The following PDE4B variants were observed in gnomAD, a reference collection of about 807,000 sequenced individuals.
PDE4B encodes the protein 3',5'-cyclic-AMP phosphodiesterase 4B.
In PDE4B, 20 loss-of-function variants were observed where a neutral mutation model predicts 82.2. That is an observed-to-expected ratio of 0.24 (90% CI 0.17 to 0.35). The LOEUF (loss-of-function observed/expected upper bound fraction) is 0.35, where lower values mean the gene tolerates loss of function less well. Ranked by LOEUF, PDE4B falls within the 10% of genes least tolerant of loss-of-function variation. The probability of loss-of-function intolerance (pLI) is 1.00; values close to 1 mark genes in which losing one functional copy is unlikely to be tolerated. For missense variants in PDE4B, 655 were observed against 907.2 expected, an observed-to-expected ratio of 0.72 and a Z score of 3.57; for synonymous variants, 320 against 318.9, an observed-to-expected ratio of 1.00 and a Z score of -0.04.
At chr1:66,072,530 C>A (rs1289624044) in intron 3 of PDE4B, among the ~76,000 whole-genome samples, 1 of 152,100 alleles carries the variant, frequency 6.6e-6, no homozygotes. Context: ...AGGTGGCCCT[C>A]CAGACTACTA....
At chr1:65,869,050 A>G (rs888190696) in intron 1 of PDE4B, among the ~76,000 whole-genome samples, 6 of 152,210 alleles carry the variant, frequency 3.9e-5, no homozygotes, top group Non-Finnish European at 5.9e-5. Flanking sequence ...TCACTAATAC[A>G]GGATCAGTCC....
At chr1:66,281,707 G>T (rs1390641569) in intron 7 of PDE4B, among the ~76,000 whole-genome samples, 2 of 152,244 alleles carry the variant, frequency 1.3e-5, no homozygotes. Context: ...AGGCATGGGG[G>T]AGGAGGTGTT....
intron 1 of PDE4B, among the ~76,000 whole-genome samples, chr1:65,832,252 G>A (rs1646091208): frequency 6.6e-6 from 1 of 152,170 alleles, no homozygotes; most frequent in Non-Finnish European, 1.5e-5. Flanking sequence ...TTCCATTGCA[G>A]GATGAAACTT....
chr1:66,372,605 C>T lies in PDE4B; in HGVS notation c.2138C>T (p.Pro713Leu), dbSNP rs1477877571. 6.2e-7 allele frequency: 1 copy of T among 1,613,978 alleles called. No individual in the cohort carries two copies. Among genetic ancestry groups the T allele is most frequent in the East Asian group, 2.2e-5 (1 of 44,892 alleles). The stretch of plus-strand genomic sequence containing the variant: ...ACAAAGACGCTTTGTGTGATTGATC[C>T]AGAAAACAGAGATTCCCTGGGAGAG... ...SSTKTLCVID[P>L]ENRDSLGETD... Residue 713 changes from proline to leucine, a missense_variant, in exon 17 of 17, where the codon CCA becomes CTA. Pro to Leu is a moderately conservative substitution (Grantham distance 98). Coordinates refer to ENST00000341517, the MANE Select transcript of PDE4B (RefSeq NM_002600.4).
At chr1:66,254,967 A>G (rs942768918) in intron 4 of PDE4B, among the ~76,000 whole-genome samples, 4 of 151,516 alleles carry the variant, frequency 2.6e-5, no homozygotes, top group Non-Finnish European at 4.4e-5. Context: ...CTCACTTTCC[A>G]TCTCACTAAA....
At chr1:66,140,485 C>T (rs770425470) in intron 3 of PDE4B, among the ~76,000 whole-genome samples, 21 of 152,090 alleles carry the variant, frequency 1.4e-4, no homozygotes, top group Non-Finnish European at 1.6e-4. Flanking sequence ...GTAAGAAAAA[C>T]TTGCAGAATG....
In PDE4B at chr1:66,045,559, A is replaced by C. The variant is rs553302331; in HGVS notation, c.281+126724A>C. On this transcript the variant is annotated intron_variant, in intron 3 of 16. Transcript: ENST00000341517. The stretch of plus-strand genomic sequence containing the variant: ...AATTTTATTCAAGAATGTAGCAGGA[A>C]ATTCATGAAGCATTGATGAAGTGTC... 3.3e-5 allele frequency among the ~76,000 whole-genome samples: 5 copies of C among 151,890 alleles called. No homozygotes were observed. In the South Asian group the frequency reaches 1.0e-3, roughly 31 times the overall value.
intron 3 of PDE4B, among the ~76,000 whole-genome samples, chr1:66,219,618 G>C (rs555764): frequency 0.19 from 29,595 of 152,088 alleles, 3,005 homozygotes; most frequent in Non-Finnish European, 0.22. Flanking sequence ...GTGTTTTAAT[G>C]ATGGCTGGGT....
intron 7 of PDE4B, among the ~76,000 whole-genome samples, chr1:66,273,295 A>T (rs1252509732): frequency 6.6e-6 from 1 of 152,174 alleles, no homozygotes; most frequent in Admixed American, 6.5e-5. Context: ...GCTTTCATAT[A>T]TGCTGTTTCT....
At chr1:65,839,330 TAG>T (rs1244313063) in intron 1 of PDE4B, among the ~76,000 whole-genome samples, 1 of 152,114 alleles carries the variant, frequency 6.6e-6, no homozygotes, top group African/African-American at 2.4e-5. Context: ...GCAGGTTTCT[TAG>T]ATAGGTATAC....
chr1:66,107,252 G>A (rs1645383722), intron 3 of PDE4B, among the ~76,000 whole-genome samples: 1 of 152,026 alleles, frequency 6.6e-6, no homozygotes, highest in Non-Finnish European at 1.5e-5. Context: ...GCGGTTTTGA[G>A]TGAGTTTCTT....
At chr1:66,199,985 CA>C (rs1157430803) in intron 3 of PDE4B, among the ~76,000 whole-genome samples, 1 of 152,082 alleles carries the variant, frequency 6.6e-6, no homozygotes, top group Admixed American at 6.6e-5. Context: ...TTAGGTCTAA[CA>C]TTTAAGTCTC....
intron 3 of PDE4B, among the ~76,000 whole-genome samples, chr1:66,161,051 G>T (rs1157340262): frequency 1.7e-5 from 1 of 60,284 alleles, no homozygotes; most frequent in Non-Finnish European, 4.7e-5. Flanking sequence ...GAAGATGAAA[G>T]GCATTTTTTT....
intron 3 of PDE4B, among the ~76,000 whole-genome samples, chr1:65,976,898 C>T (rs1650439483): frequency 6.6e-6 from 1 of 152,126 alleles, no homozygotes; most frequent in Non-Finnish European, 1.5e-5. Context: ...TTAGGTAGTT[C>T]TTTATAGCAG....
chr1:66,091,568 C>T (rs1236067514), intron 3 of PDE4B, among the ~76,000 whole-genome samples: 2 of 151,932 alleles, frequency 1.3e-5, no homozygotes, highest in African/African-American at 4.8e-5. Context: ...AATCAGGATC[C>T]TTTTTCCATC....
intron 3 of PDE4B, among the ~76,000 whole-genome samples, chr1:66,195,293 T>C (rs1648197727): frequency 6.6e-6 from 1 of 152,152 alleles, no homozygotes; most frequent in African/African-American, 2.4e-5. Flanking sequence ...TTGTGTTCAT[T>C]TCCCTATGTG....
chr1:66,057,632 C>A (rs1311986553), intron 3 of PDE4B, among the ~76,000 whole-genome samples: 1 of 152,160 alleles, frequency 6.6e-6, no homozygotes, highest in Non-Finnish European at 1.5e-5. Context: ...GAGCAAGTCA[C>A]GTCTTACATG....
intron 3 of PDE4B, among the ~76,000 whole-genome samples, chr1:65,982,174 A>G (rs751343804): frequency 6.6e-6 from 1 of 152,240 alleles, no homozygotes; most frequent in Non-Finnish European, 1.5e-5. Flanking sequence ...AATAAGGAAC[A>G]TCTTCTTGGA....
intron 3 of PDE4B, among the ~76,000 whole-genome samples, chr1:66,221,944 G>A (rs1285233996): frequency 6.6e-6 from 1 of 151,534 alleles, no homozygotes; most frequent in African/African-American, 2.4e-5. Flanking sequence ...AGTTTTGGCT[G>A]AATATGCTGG....
Sources: gnomAD v4.1 joint callset for allele counts (sites outside exome capture counted in the v4.1 genomes callset) on GRCh38, gnomAD v4.1.1 for gene constraint, MANE v1.5 for transcripts, NCBI Gene and HGNC (gene_info 2026-07-23, HGNC 2026-07-21) for gene names.